Variants in RAB22A observed in about 807,000 individuals in gnomAD.
RAB22A encodes the protein RAB22A, member RAS oncogene family.
Under a neutral mutation model 30.2 loss-of-function variants are expected in RAB22A, and 13 were observed. The ratio of observed to expected loss-of-function variants is 0.43; its 90% CI spans 0.28 to 0.68. The LOEUF (loss-of-function observed/expected upper bound fraction) is 0.68. RAB22A is among the 30% of genes least tolerant of loss of function. The pLI, the probability that RAB22A is intolerant of heterozygous loss-of-function variation, is 0.18. For missense variants in RAB22A, 177 were observed against 246.8 expected, an observed-to-expected ratio of 0.72 and a Z score of 1.89; for synonymous variants, 89 against 87.2, an observed-to-expected ratio of 1.02 and a Z score of -0.11.
intron 2 of RAB22A, among the ~76,000 whole-genome samples, chr20:58,321,392 G>T: frequency 6.6e-6 from 1 of 151,928 alleles, no homozygotes; most frequent in African/African-American, 2.4e-5. Flanking sequence ...TGTGGTCAGA[G>T]AACATACTCA....
intron 3 of RAB22A, among the ~76,000 whole-genome samples, chr20:58,353,053 A>G (rs151126492): frequency 1.8e-4 from 27 of 152,368 alleles, no homozygotes; most frequent in Non-Finnish European, 3.4e-4. Context: ...TAATTCCTAT[A>G]AAACTGTATT....
At chr20:58,332,464 G>A (rs1417453370) in intron 2 of RAB22A, among the ~76,000 whole-genome samples, 2 of 152,174 alleles carry the variant, frequency 1.3e-5, no homozygotes, top group African/African-American at 4.8e-5. Flanking sequence ...CAAAGCAAAG[G>A]AATCTCTTAA....
intron 3 of RAB22A, among the ~76,000 whole-genome samples, chr20:58,344,162 CATTT>C (rs947232289): frequency 6.6e-6 from 1 of 152,166 alleles, no homozygotes; most frequent in Non-Finnish European, 1.5e-5. Context: ...AAGCACAACT[CATTT>C]ATCGCTGCCT....
At chr20:58,335,073 C>T (rs1986725034) in intron 2 of RAB22A, among the ~76,000 whole-genome samples, 1 of 152,146 alleles carries the variant, frequency 6.6e-6, no homozygotes, top group African/African-American at 2.4e-5. Flanking sequence ...TGAATACCAT[C>T]TGGCAATAAA....
intron 3 of RAB22A, among the ~76,000 whole-genome samples, chr20:58,350,526 A>G (rs1268131586): frequency 6.6e-6 from 1 of 152,200 alleles, no homozygotes; most frequent in Non-Finnish European, 1.5e-5. Context: ...GGTAAAGAGA[A>G]AATCTTGAAT....
At chr20:58,337,969 T>A (rs1421335516) in intron 2 of RAB22A, among the ~76,000 whole-genome samples, 1 of 152,210 alleles carries the variant, frequency 6.6e-6, no homozygotes, top group Non-Finnish European at 1.5e-5. Context: ...TTATGTAAAT[T>A]ATTATTGACA....
Position 58,335,238 on chromosome 20 carries a change from A to G in RAB22A, c.117-8480A>G, listed in dbSNP as rs527960415. On this transcript the variant is annotated intron_variant, in intron 2 of 6. Coordinates refer to ENST00000244040, the MANE Select transcript of RAB22A (RefSeq NM_020673.3). ...GAAACGGCTTGTGTGGAATGGGGAC[A>G]CTCTTAGTATGCTGTTATGCCGTCA... 6.6e-5 allele frequency among the ~76,000 whole-genome samples: 10 copies of G among 152,222 alleles called. No individual in the cohort carries two copies. The South Asian group carries it at 2.1e-3, about 32-fold the overall frequency.
chr20:58,357,701 C>G (rs947061641), intron 6 of RAB22A, among the ~76,000 whole-genome samples: 2 of 152,108 alleles, frequency 1.3e-5, no homozygotes, highest in Non-Finnish European at 2.9e-5. Context: ...AGCTTTTAAA[C>G]AGATTTGTAG....
At chr20:58,338,935 C>T (rs987153883) in intron 2 of RAB22A, among the ~76,000 whole-genome samples, 5 of 152,114 alleles carry the variant, frequency 3.3e-5, no homozygotes, top group South Asian at 2.1e-4. Context: ...TGTTCATCCT[C>T]GGGAGGCACT....
chr20:58,317,791 C>T (rs1009220623), intron 2 of RAB22A, among the ~76,000 whole-genome samples: 2 of 152,140 alleles, frequency 1.3e-5, no homozygotes, highest in African/African-American at 4.8e-5. Flanking sequence ...CGTGATCCGC[C>T]TGCCTTGGCC....
intron 2 of RAB22A, among the ~76,000 whole-genome samples, chr20:58,339,228 C>T (rs1986815788): frequency 6.6e-6 from 1 of 152,124 alleles, no homozygotes; most frequent in Non-Finnish European, 1.5e-5. Context: ...AGCATTCTAG[C>T]TTTAGGAAAT....
chr20:58,355,716 C>G (rs1000184862), intron 6 of RAB22A, among the ~76,000 whole-genome samples: 1 of 152,060 alleles, frequency 6.6e-6, no homozygotes, highest in African/African-American at 2.4e-5. Flanking sequence ...CCCAGCCACT[C>G]GGGAAGCTGA....
chr20:58,349,715 C>T (rs1020374998), intron 3 of RAB22A, among the ~76,000 whole-genome samples: 1 of 152,124 alleles, frequency 6.6e-6, no homozygotes, highest in Non-Finnish European at 1.5e-5. Context: ...GGACTAAGGG[C>T]AAATCCAAAA....
At chr20:58,356,311 CAAA>C (rs199550503) in intron 6 of RAB22A, among the ~76,000 whole-genome samples, 6 of 91,280 alleles carry the variant, frequency 6.6e-5, no homozygotes, top group Admixed American at 1.0e-4. Context: ...GACTCCATCT[CAAA>C]AAAAAAAAAA....
intron 3 of RAB22A, among the ~76,000 whole-genome samples, chr20:58,350,968 A>G (rs1428183685): frequency 6.6e-6 from 1 of 152,256 alleles, no homozygotes; most frequent in African/African-American, 2.4e-5. Context: ...GAATGGTAGG[A>G]TAACAAGAAA....
intron 2 of RAB22A, among the ~76,000 whole-genome samples, chr20:58,341,733 A>G (rs1179675941): frequency 1.3e-5 from 2 of 152,188 alleles, no homozygotes; most frequent in African/African-American, 4.8e-5. Flanking sequence ...GTAATGTTTT[A>G]ATTAAAGGTA....
At chr20:58,358,911 A>T (rs928031882) in intron 6 of RAB22A, among the ~76,000 whole-genome samples, 7 of 151,852 alleles carry the variant, frequency 4.6e-5, no homozygotes, top group Non-Finnish European at 7.4e-5. Flanking sequence ...AAAAAAAAAA[A>T]AGGTGACGGC....
In RAB22A at chr20:58,325,371, G is replaced by A. The variant is rs145982862; in HGVS notation, c.116+14249G>A. On this transcript the variant is annotated intron_variant, in intron 2 of 6. Transcript: ENST00000244040. ...ACATGCCTGTAATCCCAGCTACTGG[G>A]GAGGCTGAGGCAGGAGAATCACTTG... Among the ~76,000 whole-genome samples, 157 of 152,250 alleles carry A rather than the reference G, an allele frequency of 1.0e-3. 3 individuals carry two copies. In the East Asian group the frequency reaches 0.026, roughly 25 times the overall value.
At chr20:58,336,501 G>T (rs1046445453) in intron 2 of RAB22A, among the ~76,000 whole-genome samples, 3 of 152,040 alleles carry the variant, frequency 2.0e-5, no homozygotes, top group Non-Finnish European at 4.4e-5. Context: ...TGGAATCTGG[G>T]GGGATAAAAA....
Sources: gnomAD v4.1 joint callset for allele counts (sites outside exome capture counted in the v4.1 genomes callset) on GRCh38, gnomAD v4.1.1 for gene constraint, MANE v1.5 for transcripts, NCBI Gene and HGNC (gene_info 2026-07-23, HGNC 2026-07-21) for gene names.